Variants in PPP2R2D observed in about 807,000 individuals in gnomAD.
PPP2R2D encodes protein phosphatase 2 regulatory subunit Bdelta, also known as serine/threonine-protein phosphatase 2A 55 kDa regulatory subunit B delta isoform.
Under a neutral mutation model 31.1 loss-of-function variants are expected in PPP2R2D, and 9 were observed. The ratio of observed to expected loss-of-function variants is 0.29; its 90% confidence interval spans 0.17 to 0.51. PPP2R2D has a LOEUF of 0.51. PPP2R2D is among the 20% of genes least tolerant of loss of function. The probability of loss-of-function intolerance (pLI) is 0.98; values close to 1 mark genes in which losing one functional copy is unlikely to be tolerated. For synonymous variants in PPP2R2D, 179 were observed against 172.6 expected (o/e 1.04, Z -0.29); for missense variants, 391 against 465.6 (o/e 0.84, Z 1.48).
At chr10:131,962,351 C>T (rs2036937255), downstream of PPP2R2D, among the ~76,000 whole-genome samples, 1 of 152,218 alleles carries the variant, frequency 6.6e-6, no homozygotes, top group African/African-American at 2.4e-5. Context: ...CACCTTCACT[C>T]ACTCACCAGA....
chr10:131,938,035 C>A (rs1589949961), intron 3 of PPP2R2D, among the ~76,000 whole-genome samples: 1 of 151,680 alleles, frequency 6.6e-6, no homozygotes. Context: ...AGCTCCTGCC[C>A]GTGGAGGCTT....
intron 2 of PPP2R2D, among the ~76,000 whole-genome samples, chr10:131,918,448 C>T (rs1262674130): frequency 6.7e-5 from 10 of 148,624 alleles, no homozygotes; most frequent in African/African-American, 2.5e-4. Flanking sequence ...TTTTAGGGAC[C>T]TCACACGGGT....
intron 2 of PPP2R2D, among the ~76,000 whole-genome samples, chr10:131,919,884 T>C (rs2035935073): frequency 7.3e-6 from 1 of 137,570 alleles, no homozygotes; most frequent in East Asian, 2.3e-4. Context: ...CTCATTCAGG[T>C]GGGATGACGC....
At chr10:131,914,725 G>A (rs182140277) in intron 2 of PPP2R2D, among the ~76,000 whole-genome samples, 197 of 152,302 alleles carry the variant, frequency 1.3e-3, no homozygotes, top group Non-Finnish European at 2.4e-3. Flanking sequence ...GACCCCAGGC[G>A]AAGCTGAGTG....
the PPP2R2D span, chr10:131,969,293 G>A: frequency 6.6e-6 from 1 of 152,456 alleles, no homozygotes; most frequent in South Asian, 2.1e-4. Flanking sequence ...GACAGTAGCT[G>A]GGAAGTAGTG....
chr10:131,916,308 AC>A (rs2035778510), intron 2 of PPP2R2D, among the ~76,000 whole-genome samples: 2 of 147,054 alleles, frequency 1.4e-5, no homozygotes. Context: ...GAAATGTGAC[AC>A]CCAGGTTGGC....
At position 131,940,044 on chromosome 10, in the gene PPP2R2D, C is replaced by T. The variant is rs1554896980; in HGVS notation, c.212C>T (p.Pro71Leu). ...GTTTCCTTGCAGAATAAAAGCCGCC[C>T]TCATTCTAGGGGAGAATATAATGTT... The part of the protein sequence containing the change: ...FQREQENKSR[P>L]HSRGEYNVYS... The change falls in exon 4 of 9, where the codon CCT becomes CTT. Residue 71 changes from proline to leucine, a missense_variant. This residue lies in a region of PPP2R2D where 105 missense variants were observed against 98.5 expected (regional missense o/e 1.07). Transcript: ENST00000455566. 2 of 747,212 alleles carry T rather than the reference C, an allele frequency of 2.7e-6. No individual in the cohort carries two copies. The highest frequency in any genetic ancestry group is 1.9e-5 in the Admixed American group (1 of 52,548). 46.3% of individuals were successfully genotyped at this position (747,212 alleles called of 1,614,324 possible). A position where few individuals can be genotyped will look rare whatever the true frequency, so the allele number is the denominator to read the frequency against.
rs375070339 is a variant in PPP2R2D at position 131,943,958 on chromosome 10, C to A, written c.478-10C>A. 4.9e-6 allele frequency: 4 copies of A among 822,952 alleles called. No individual in the cohort carries two copies. The African/African-American group carries it at 6.7e-5, about 14-fold the overall frequency. 51.0% of individuals were successfully genotyped at this position (822,952 alleles called of 1,614,324 possible). A position where few individuals can be genotyped will look rare whatever the true frequency, so the allele number is the denominator to read the frequency against. ...CTTTGTTTTGAATTCCTATTTCCTT[C>A]CATTTTTAGGTCCCAATATTGAAGC... On this transcript the variant is annotated splice_polypyrimidine_tract_variant and intron_variant, in intron 5 of 8. Coordinates refer to ENST00000455566, the MANE Select transcript of PPP2R2D (RefSeq NM_018461.5).
chr10:131,926,457 G>T (rs781881818), intron 2 of PPP2R2D, among the ~76,000 whole-genome samples: 2 of 152,068 alleles, frequency 1.3e-5, no homozygotes, highest in African/African-American at 4.8e-5. Context: ...CAGGAGGATC[G>T]CTTGAGCCCA....
rs140691893 is a variant in PPP2R2D, at chr10:131,926,789, G to A, written c.101-7669G>A. On this transcript the variant is annotated intron_variant, in intron 2 of 8. Coordinates refer to ENST00000455566, the MANE Select transcript of PPP2R2D (RefSeq NM_018461.5). ...CTGCAGTATGCACACAGCTCTGCCA[G>A]GTGCCGCAGAGCAGGAAACAAATGG... Among the ~76,000 whole-genome samples, 44 of 152,396 alleles carry A rather than the reference G, an allele frequency of 2.9e-4. No homozygotes were observed. The East Asian group carries it at 7.9e-3, about 27-fold the overall frequency.
chr10:131,918,848 G>GCGTT (rs2035892534), intron 2 of PPP2R2D, among the ~76,000 whole-genome samples: 2 of 143,968 alleles, frequency 1.4e-5, no homozygotes, highest in Non-Finnish European at 1.5e-5. Context: ...GAATGACACA[G>GCGTT]TGTAGGGACC....
intron 2 of PPP2R2D, among the ~76,000 whole-genome samples, chr10:131,916,748 C>T (rs2035793796): frequency 6.6e-6 from 1 of 150,822 alleles, no homozygotes. Context: ...GTGTAGGGAC[C>T]TCAGGCGGGT....
At position 131,945,810 on chromosome 10, in the gene PPP2R2D, G is replaced by A. The variant is rs138844954; in HGVS notation, c.820+351G>A. ...CCACTTGTTCTTCAGACACTCCAAA[G>A]ACTTAGAGAGTTCTTCCTGTTCCCC... On this transcript the variant is annotated intron_variant, in intron 7 of 8. Coordinates refer to ENST00000455566, the MANE Select transcript of PPP2R2D (RefSeq NM_018461.5). This position sits in a 1 kb window ranked among gnomAD's most constrained non-coding sequence, Gnocchi z 4.8. 713 of 190,626 alleles carry A rather than the reference G, an allele frequency of 3.7e-3. 4 individuals carry two copies. The highest frequency in any genetic ancestry group is 0.015 in the African/African-American group (643 of 43,082). The allele number at this position is 190,626 out of a possible 1,614,324, so 11.8% of individuals were successfully genotyped here.
chr10:131,909,091 A>G (rs938923785), intron 2 of PPP2R2D, among the ~76,000 whole-genome samples: 3 of 152,214 alleles, frequency 2.0e-5, no homozygotes, highest in African/African-American at 4.8e-5. Context: ...ACATCAGGGT[A>G]TAAGAAGAGG....
At chr10:131,933,564 G>A (rs1205150432) in intron 2 of PPP2R2D, among the ~76,000 whole-genome samples, 1 of 152,090 alleles carries the variant, frequency 6.6e-6, no homozygotes, top group Non-Finnish European at 1.5e-5. Flanking sequence ...ATGGCCCCTC[G>A]GGAGGCCACG....
At chr10:131,917,172 GAC>G (rs782275356) in intron 2 of PPP2R2D, among the ~76,000 whole-genome samples, 1,991 of 112,826 alleles carry the variant, frequency 0.018, no homozygotes, top group East Asian at 0.036. Context: ...CGGGTGGAAT[GAC>G]ACAGCGTTTG....
rs78630814 is a variant in PPP2R2D at position 131,955,598 on chromosome 10, C to A, written c.1083-86C>A. The A allele has an allele frequency of 7.7e-5, 94 of 1,227,920 alleles. 1 individual carries two copies. Among genetic ancestry groups the A allele is most frequent in the Non-Finnish European group, 9.7e-5 (92 of 948,604 alleles). The allele number at this position is 1,227,920 out of a possible 1,614,324, so 76.1% of individuals were successfully genotyped here. A position where few individuals can be genotyped will look rare whatever the true frequency, so the allele number is the denominator to read the frequency against. ...CTGGGTTGTGGGGGAGGGTGGCGTG[C>A]GCTGTGCACCCCAGGGGTGGGGTCT... On this transcript the variant is annotated intron_variant, in intron 8 of 8. Coordinates refer to ENST00000455566, the MANE Select transcript of PPP2R2D (RefSeq NM_018461.5).
intron 2 of PPP2R2D, among the ~76,000 whole-genome samples, chr10:131,916,386 T>C (rs1298618016): frequency 6.6e-6 from 1 of 151,728 alleles, no homozygotes; most frequent in African/African-American, 2.4e-5. Flanking sequence ...AAAATATACA[T>C]GGCATAATAT....
chr10:131,905,728 C>G (rs1485467974), intron 2 of PPP2R2D, among the ~76,000 whole-genome samples: 1 of 152,160 alleles, frequency 6.6e-6, no homozygotes, highest in African/African-American at 2.4e-5. Flanking sequence ...GGTCACAAAG[C>G]GAGTGTATGG....
Sources: allele counts gnomAD v4.1 joint callset (sites outside exome capture counted in the v4.1 genomes callset), GRCh38; gene constraint gnomAD v4.1.1; regional missense constraint gnomAD v4.1.1; non-coding constraint Gnocchi (gnomAD v3.1); transcripts MANE v1.5; gene names NCBI Gene and HGNC (gene_info 2026-07-23, HGNC 2026-07-21).